CSNK1G1: variants seen among roughly 807,000 people sequenced by gnomAD.
CSNK1G1 encodes casein kinase I isoform gamma-1.
CSNK1G1 carries 22 observed loss-of-function variants against 59.6 expected under a neutral mutation model. The observed-to-expected ratio is 0.37, with a 90% CI of 0.26 to 0.53. The LOEUF (loss-of-function observed/expected upper bound fraction) is 0.53. CSNK1G1 is among the 20% of genes least tolerant of loss of function. The probability of loss-of-function intolerance (pLI) is 0.89; values close to 1 mark genes in which losing one functional copy is unlikely to be tolerated. For synonymous variants in CSNK1G1, 179 were observed against 177.1 expected (o/e 1.01, Z -0.08); for missense variants, 384 against 519.5 (o/e 0.74, Z 2.54).
intron 6 of CSNK1G1, 35 bp from the exon 7 acceptor site, chr15:64,207,629 A>G: frequency 6.5e-6 from 10 of 1,535,574 alleles, no homozygotes; most frequent in Non-Finnish European, 9.0e-6. Context: ...TTATGTTTGC[A>G]GTTATTAAAG....
chr15:64,289,036 G>A (rs747652746), intron 2 of CSNK1G1, among the ~76,000 whole-genome samples: 3 of 151,862 alleles, frequency 2.0e-5, no homozygotes, highest in African/African-American at 4.8e-5. Context: ...TTAGCCGGCC[G>A]TGGTGGTGCA....
In CSNK1G1 at chr15:64,277,778, A is replaced by ATAATATATTAATATTGATATATT. The variant is rs1566930294; in HGVS notation, c.182-18560_182-18538dup. ...TAATATAGCAATATTGATATATTTAATAATATATTAATATTGATATATTTA... is the reference window on the plus strand; with the variant it reads ...TAATATAGCAATATTGATATATTTAATAATATATTAATATTGATATATTTAATATATTAATATTGATATATTTA... On this transcript the variant is annotated intron_variant, in intron 2 of 11. Transcript: ENST00000303052. Among the ~76,000 whole-genome samples, 10 of 113,498 alleles carry ATAATATATTAATATTGATATATT rather than the reference A, an allele frequency of 8.8e-5. 1 individual carries two copies. In the South Asian group the frequency reaches 1.4e-3, roughly 16 times the overall value. 74.5% of individuals were successfully genotyped at this position (113,498 alleles called of 152,430 possible). A position where few individuals can be genotyped will look rare whatever the true frequency, so the allele number is the denominator to read the frequency against.
chr15:64,214,020 T>A lies in CSNK1G1; in HGVS notation c.549A>T (p.Ile183=). ...TGGCCAGTCCAAAGTCTATAATGTGTATAACATGCTCTTTCTTATTGCCTT... is the reference window on the plus strand; with the variant it reads ...TGGCCAGTCCAAAGTCTATAATGTGAATAACATGCTCTTTCTTATTGCCTT... ...GRQGNKKEHV[I]HIIDFGLAKE... The change falls in exon 6 of 12, where the codon ATA becomes ATT. Residue 183 remains isoleucine (I), a synonymous_variant. Transcript: ENST00000303052. This position sits in a 1 kb window ranked among gnomAD's most constrained non-coding sequence, Gnocchi z 4.3. 1 of 1,614,128 alleles carries A rather than the reference T, an allele frequency of 6.2e-7. No homozygotes were observed. Among genetic ancestry groups the A allele is most frequent in the African/African-American group, 1.3e-5 (1 of 75,054 alleles).
chr15:64,267,266 A>G (rs1424703364), intron 2 of CSNK1G1, among the ~76,000 whole-genome samples: 2 of 151,366 alleles, frequency 1.3e-5, no homozygotes, highest in African/African-American at 4.8e-5. Flanking sequence ...CAAAAAAAAA[A>G]AAAAAAAAAG....
chr15:64,275,876 G>T (rs775345223), intron 2 of CSNK1G1, among the ~76,000 whole-genome samples: 1 of 152,062 alleles, frequency 6.6e-6, no homozygotes, highest in Non-Finnish European at 1.5e-5. Flanking sequence ...TTTTTTTAGT[G>T]TGAGTTATGA....
chr15:64,183,556 T>A (rs1026749597), intron 10 of CSNK1G1, among the ~76,000 whole-genome samples: 1 of 152,116 alleles, frequency 6.6e-6, no homozygotes, highest in African/African-American at 2.4e-5. Flanking sequence ...ACCATTAACA[T>A]CCTCTGTGAG....
At chr15:64,249,403 G>C (rs1891947956) in intron 4 of CSNK1G1, among the ~76,000 whole-genome samples, 1 of 152,194 alleles carries the variant, frequency 6.6e-6, no homozygotes, top group South Asian at 2.1e-4. Flanking sequence ...AGGGTATTAA[G>C]ATGATGCCCA....
At chr15:64,307,579 A>T (rs1895746425) in intron 1 of CSNK1G1, among the ~76,000 whole-genome samples, 1 of 151,334 alleles carries the variant, frequency 6.6e-6, no homozygotes, top group East Asian at 1.9e-4. Flanking sequence ...TTTCATGTAC[A>T]TATATATATA....
chr15:64,292,291 C>G (rs999506019), intron 2 of CSNK1G1, among the ~76,000 whole-genome samples: 1 of 151,990 alleles, frequency 6.6e-6, no homozygotes, highest in Admixed American at 6.6e-5. Context: ...ATATGCAGAG[C>G]CTGTCATATA....
chr15:64,300,784 T>C lies in CSNK1G1; in HGVS notation c.-224-61A>G, dbSNP rs540049274. The C allele has an allele frequency of 5.2e-5, 54 of 1,031,958 alleles. No individual in the cohort carries two copies. The African/African-American group carries it at 8.6e-4, about 16-fold the overall frequency. The allele number at this position is 1,031,958 out of a possible 1,614,324, so 63.9% of individuals were successfully genotyped here. ...TAAATTTTGAAACAAATTCAGAAAGTCACTACCAATTAGAATGAATCCTAT... is the reference window on the plus strand; with the variant it reads ...TAAATTTTGAAACAAATTCAGAAAGCCACTACCAATTAGAATGAATCCTAT... On this transcript the variant is annotated intron_variant, in intron 1 of 11. Coordinates refer to ENST00000303052, the MANE Select transcript of CSNK1G1 (RefSeq NM_022048.5).
intron 2 of CSNK1G1, among the ~76,000 whole-genome samples, chr15:64,276,833 G>C (rs1893647410): frequency 6.6e-6 from 1 of 151,708 alleles, no homozygotes; most frequent in South Asian, 2.1e-4. Context: ...TGTAGTCCCA[G>C]CTACTTGAGA....
intron 1 of CSNK1G1, among the ~76,000 whole-genome samples, chr15:64,320,450 A>G (rs1896499246): frequency 6.6e-6 from 1 of 151,914 alleles, no homozygotes; most frequent in African/African-American, 2.4e-5. Context: ...AGGCTGAGAC[A>G]GGCGGATCAC....
chr15:64,203,231 C>G, intron 9 of CSNK1G1, 42 bp from the exon 10 acceptor site: 2 of 1,193,932 alleles, frequency 1.7e-6, no homozygotes, highest in South Asian at 2.5e-5. Context: ...GAAACAGGTC[C>G]AACTTGATGC....
At chr15:64,285,351 T>C (rs761071075) in intron 2 of CSNK1G1, among the ~76,000 whole-genome samples, 4 of 152,142 alleles carry the variant, frequency 2.6e-5, no homozygotes, top group Non-Finnish European at 5.9e-5. Context: ...TGTGATGACA[T>C]TGCAATATTG....
In CSNK1G1 at chr15:64,185,861, C is replaced by CG. The variant is rs1243154349; in HGVS notation, c.1108-5408dup. ...TGGATGACAGAGCCAGACTCCATCT[C>CG]GAAAAAAAAAAAAAAAAAGAGAGAA... On this transcript the variant is annotated intron_variant, in intron 10 of 11. Transcript: ENST00000303052. 5.0e-4 allele frequency among the ~76,000 whole-genome samples: 59 copies of CG among 119,000 alleles called. 1 individual carries two copies. The highest frequency in any genetic ancestry group is 1.7e-3 in the African/African-American group (51 of 29,532). The allele number at this position is 119,000 out of a possible 152,430, so 78.1% of individuals were successfully genotyped here. A position where few individuals can be genotyped will look rare whatever the true frequency, so the allele number is the denominator to read the frequency against.
At chr15:64,283,829 A>C (rs1223163346) in intron 2 of CSNK1G1, among the ~76,000 whole-genome samples, 2 of 152,146 alleles carry the variant, frequency 1.3e-5, no homozygotes, top group Non-Finnish European at 2.9e-5. Flanking sequence ...AAAAGTTTTA[A>C]ATTTTTATGA....
At chr15:64,181,588 T>C (rs1472733151) in intron 10 of CSNK1G1, 15 of 651,090 alleles carry the variant, frequency 2.3e-5, no homozygotes, top group Non-Finnish European at 3.2e-5. Flanking sequence ...CTAGCATAAA[T>C]AAGGGAAGCA....
chr15:64,171,768 T>G lies in CSNK1G1; in HGVS notation c.*163A>C. The G allele has an allele frequency of 1.5e-6, 1 of 671,514 alleles. No individual in the cohort carries two copies. Among genetic ancestry groups the G allele is most frequent in the Non-Finnish European group, 2.6e-6 (1 of 380,430 alleles). 41.6% of individuals were successfully genotyped at this position (671,514 alleles called of 1,614,324 possible). On this transcript the variant is annotated 3_prime_UTR_variant, in exon 12 of 12. Transcript: ENST00000303052. The surrounding 1 kb of genome is among the most constrained non-coding windows in gnomAD (Gnocchi z 4.8). ...AGATGGCCAATGACCCACTAGGCCC[T>G]GGCTGCCCGCACTGGCCCCTTCTGG...
intron 1 of CSNK1G1, among the ~76,000 whole-genome samples, chr15:64,352,768 AAG>A (rs1445922361): frequency 6.6e-6 from 1 of 151,664 alleles, no homozygotes; most frequent in African/African-American, 2.4e-5. Flanking sequence ...TTATAAAACA[AAG>A]AGACATGGGG....
Sources: allele counts gnomAD v4.1 joint callset (sites outside exome capture counted in the v4.1 genomes callset), GRCh38; gene constraint gnomAD v4.1.1; non-coding constraint Gnocchi (gnomAD v3.1); transcripts MANE v1.5; gene names NCBI Gene and HGNC (gene_info 2026-07-23, HGNC 2026-07-21).